The following CDH12 variants were observed in gnomAD, a reference collection of about 807,000 sequenced individuals.
CDH12 encodes the protein cadherin 12.
A neutral mutation model predicts 74.1 loss-of-function variants in CDH12; 41 were observed. The ratio of observed to expected loss-of-function variants is 0.55; its 90% confidence interval spans 0.43 to 0.72. The LOEUF (loss-of-function observed/expected upper bound fraction) is 0.72. Ranked by LOEUF, CDH12 falls within the 30% of genes least tolerant of loss-of-function variation. The pLI, the probability that CDH12 is intolerant of heterozygous loss-of-function variation, is 0.00. For missense variants in CDH12, 945 were observed against 977.2 expected, an observed-to-expected ratio of 0.97 and a Z score of 0.44; for synonymous variants, 399 against 355.0, an observed-to-expected ratio of 1.12 and a Z score of -1.39.
chr5:22,216,669 T>C (rs2150366409), intron 3 of CDH12, among the ~76,000 whole-genome samples: 1 of 152,060 alleles, frequency 6.6e-6, no homozygotes, highest in East Asian at 1.9e-4. Context: ...TATGTCTAAA[T>C]CATGGAGGCT....
chr5:21,910,664 G>A (rs1048101083), intron 6 of CDH12, among the ~76,000 whole-genome samples: 5 of 133,748 alleles, frequency 3.7e-5, no homozygotes, highest in African/African-American at 1.3e-4. Context: ...CCAAGAGAAA[G>A]GTAGGATTTA....
rs942086002 is a variant in CDH12 at position 21,750,832 on chromosome 5, G to A, written c.*905C>T. 1.3e-5 allele frequency: 2 copies of A among 152,048 alleles called. No individual in the cohort carries two copies. Among genetic ancestry groups the A allele is most frequent in the Non-Finnish European group, 2.9e-5 (2 of 68,004 alleles). 9.4% of individuals were successfully genotyped at this position (152,048 alleles called of 1,614,324 possible). A position where few individuals can be genotyped will look rare whatever the true frequency, so the allele number is the denominator to read the frequency against. ...CATCTATGACTAAAAGCTGAATCTGGTGACTGTTAAAACCAATTTTCCACA... is the reference window on the plus strand; with the variant it reads ...CATCTATGACTAAAAGCTGAATCTGATGACTGTTAAAACCAATTTTCCACA... On this transcript the variant is annotated 3_prime_UTR_variant, in exon 15 of 15. Transcript: ENST00000382254.
chr5:21,765,210 A>T, intron 11 of CDH12, 111 bp from the exon 12 acceptor site: 1 of 864,584 alleles, frequency 1.2e-6, no homozygotes. Context: ...AGAATGAAAA[A>T]AAATCCTTCT....
At chr5:22,791,104 A>G (rs1324499284) in intron 1 of CDH12, among the ~76,000 whole-genome samples, 1 of 152,204 alleles carries the variant, frequency 6.6e-6, no homozygotes, top group Non-Finnish European at 1.5e-5. Flanking sequence ...AAAGAACGTA[A>G]CAAAGAGAGT....
intron 7 of CDH12, among the ~76,000 whole-genome samples, chr5:21,845,870 G>C (rs970554918): frequency 6.6e-5 from 10 of 152,088 alleles, no homozygotes; most frequent in African/African-American, 2.4e-4. Context: ...ATAAAAAGCA[G>C]CGCCAAATTA....
At chr5:22,407,089 T>A (rs1742970650) in intron 2 of CDH12, among the ~76,000 whole-genome samples, 1 of 152,054 alleles carries the variant, frequency 6.6e-6, no homozygotes, top group East Asian at 1.9e-4. Context: ...AGAAAAAAAA[T>A]TCAATCTGAA....
At chr5:22,360,883 CT>C (rs1465777183) in intron 3 of CDH12, among the ~76,000 whole-genome samples, 1 of 152,102 alleles carries the variant, frequency 6.6e-6, no homozygotes, top group African/African-American at 2.4e-5. Flanking sequence ...TTAAACAGCC[CT>C]TCATGCTAAA....
chr5:22,511,046 C>G (rs552488391), intron 1 of CDH12, among the ~76,000 whole-genome samples: 3 of 152,192 alleles, frequency 2.0e-5, no homozygotes, highest in East Asian at 1.9e-4. Flanking sequence ...AGACACCCAC[C>G]ACCATGCTCA....
chr5:22,534,365 CCT>C (rs756947034), intron 1 of CDH12, among the ~76,000 whole-genome samples: 9 of 152,122 alleles, frequency 5.9e-5, no homozygotes, highest in Non-Finnish European at 1.2e-4. Flanking sequence ...CCACACTTCC[CCT>C]GAGTCCCCAA....
chr5:22,021,323 A>C (rs1233801629), intron 5 of CDH12, among the ~76,000 whole-genome samples: 2 of 152,150 alleles, frequency 1.3e-5, no homozygotes, highest in Non-Finnish European at 2.9e-5. Flanking sequence ...TTCTGATTAG[A>C]TCTGTTCCAC....
At chr5:22,062,584 G>C (rs1741265221) in intron 5 of CDH12, among the ~76,000 whole-genome samples, 1 of 152,066 alleles carries the variant, frequency 6.6e-6, no homozygotes, top group South Asian at 2.1e-4. Context: ...ATGATTTGTT[G>C]AGCAGCAAGG....
intron 4 of CDH12, among the ~76,000 whole-genome samples, chr5:22,158,157 T>C (rs1748136391): frequency 6.6e-6 from 1 of 152,090 alleles, no homozygotes; most frequent in Non-Finnish European, 1.5e-5. Flanking sequence ...CAAATGGTTA[T>C]GTTATTAATG....
chr5:21,751,977 A>G lies in CDH12; in HGVS notation c.2145T>C (p.Asp715=). ...TTTCCTGTAGCCTTTGATGAATGAA[A>G]TCCCTTATGTCTGTGTTATCTTCCA... ...PPMEDNTDIR[D]FIHQRLQEND... Residue 715 remains aspartate (D), a synonymous_variant, in exon 15 of 15, where the codon GAT becomes GAC. Coordinates refer to ENST00000382254, the MANE Select transcript of CDH12 (RefSeq NM_004061.5). 6.2e-7 allele frequency: 1 copy of G among 1,614,014 alleles called. No homozygotes were observed. Among genetic ancestry groups the G allele is most frequent in the South Asian group, 1.1e-5 (1 of 91,076 alleles).
chr5:22,268,807 A>G (rs978053900), intron 3 of CDH12, among the ~76,000 whole-genome samples: 2 of 152,238 alleles, frequency 1.3e-5, no homozygotes, highest in South Asian at 4.1e-4. Context: ...ATTATTGAGC[A>G]CCTCCTATAT....
intron 1 of CDH12, among the ~76,000 whole-genome samples, chr5:22,775,981 T>C (rs1391686733): frequency 2.0e-5 from 3 of 152,120 alleles, no homozygotes; most frequent in Non-Finnish European, 4.4e-5. Context: ...ATTTTTCTCT[T>C]GCTGCCACCA....
intron 5 of CDH12, among the ~76,000 whole-genome samples, chr5:22,028,940 C>A (rs986984013): frequency 2.6e-5 from 4 of 152,038 alleles, no homozygotes; most frequent in East Asian, 1.9e-4. Flanking sequence ...CAGAACAGAG[C>A]CCTCAGAAAT....
chr5:22,553,625 A>C (rs1384169737), intron 1 of CDH12, among the ~76,000 whole-genome samples: 2 of 152,214 alleles, frequency 1.3e-5, no homozygotes, highest in Non-Finnish European at 2.9e-5. Flanking sequence ...AAATCAAATT[A>C]GAACTAAACA....
At chr5:22,352,548 G>C (rs1018481378) in intron 3 of CDH12, among the ~76,000 whole-genome samples, 2 of 152,134 alleles carry the variant, frequency 1.3e-5, no homozygotes, top group African/African-American at 4.8e-5. Context: ...GAATACCAAT[G>C]AGAGAAAAAA....
intron 6 of CDH12, among the ~76,000 whole-genome samples, chr5:21,933,005 A>G (rs1157915751): frequency 6.6e-6 from 1 of 151,042 alleles, no homozygotes; most frequent in African/African-American, 2.4e-5. Flanking sequence ...GCTATTTTCA[A>G]TTGTAGAGAA....
Sources: gnomAD v4.1 joint callset for allele counts (sites outside exome capture counted in the v4.1 genomes callset) on GRCh38, gnomAD v4.1.1 for gene constraint, MANE v1.5 for transcripts, NCBI Gene and HGNC (gene_info 2026-07-23, HGNC 2026-07-21) for gene names.